The following ATP9B variants were observed in gnomAD, a reference collection of about 807,000 sequenced individuals.
ATP9B encodes ATPase phospholipid transporting 9B, also known as probable phospholipid-transporting ATPase IIB.
ATP9B carries 110 observed loss-of-function variants against 146.1 expected under a neutral mutation model. That is an observed-to-expected ratio of 0.75 (90% CI 0.65 to 0.88). The LOEUF (loss-of-function observed/expected upper bound fraction) is 0.88, where lower values mean the gene tolerates loss of function less well. Among genes scored for constraint, ATP9B ranks in the 40% least tolerant of loss-of-function variants. The pLI, the probability that ATP9B is intolerant of heterozygous loss-of-function variation, is 0.00. For synonymous variants in ATP9B, 604 were observed against 569.7 expected, an observed-to-expected ratio of 1.06 and a Z score of -0.86; for missense variants, 1,499 against 1,496.4, an observed-to-expected ratio of 1.00 and a Z score of -0.03.
intron 10 of ATP9B, among the ~76,000 whole-genome samples, chr18:79,212,127 C>T (rs1328815674): frequency 6.6e-6 from 1 of 152,028 alleles, no homozygotes; most frequent in East Asian, 1.9e-4. Context: ...AAGTACATAC[C>T]CTTTGTGAAA....
intron 9 of ATP9B, among the ~76,000 whole-genome samples, chr18:79,195,824 G>A (rs2095412971): frequency 6.6e-6 from 1 of 152,130 alleles, no homozygotes; most frequent in African/African-American, 2.4e-5. Context: ...TAATCAAAGA[G>A]GTGAAAAGGA....
chr18:79,324,004 T>G lies in ATP9B; in HGVS notation c.1774-5137T>G, dbSNP rs1448674057. Among the ~76,000 whole-genome samples, 13 of 152,306 alleles carry G rather than the reference T, an allele frequency of 8.5e-5. No individual in the cohort carries two copies. The East Asian group carries it at 1.7e-3, about 20-fold the overall frequency. ...AGAAGCCGTTTTAACTGGGGTGAGG[T>G]GATACCTCATTGTAATTTTTATTTG... On this transcript the variant is annotated intron_variant, in intron 15 of 29. Coordinates refer to ENST00000426216, the MANE Select transcript of ATP9B (RefSeq NM_198531.5).
At chr18:79,254,625 T>C (rs9960470) in intron 12 of ATP9B, 55,221 of 152,134 alleles carry the variant, frequency 0.36, 11,023 homozygotes, top group African/African-American at 0.54. Context: ...CTGACATAGA[T>C]TTTCTGCACT....
rs1270931718 is a variant in ATP9B, at chr18:79,307,193, A to G, written c.1732A>G (p.Ser578Gly). 11 of 1,614,278 alleles carry G rather than the reference A, an allele frequency of 6.8e-6. No homozygotes were observed. Among genetic ancestry groups the G allele is most frequent in the Non-Finnish European group, 8.5e-6 (10 of 1,180,052 alleles). The change falls in exon 15 of 30, where the codon AGT becomes GGT. Residue 578 changes from serine (S) to glycine (G), a missense_variant. Ser to Gly is a moderately conservative substitution (Grantham distance 56). Coordinates refer to ENST00000426216, the MANE Select transcript of ATP9B (RefSeq NM_198531.5). ...TEFAEADQDF[S>G]DENRTYQASS... ...GTTCGCAGAGGCTGACCAAGACTTCAGTGATGAGAATCGCACCTACCAGGC... is the reference window on the plus strand; with the variant it reads ...GTTCGCAGAGGCTGACCAAGACTTCGGTGATGAGAATCGCACCTACCAGGC...
chr18:79,244,619 A>G (rs376536316), intron 11 of ATP9B, among the ~76,000 whole-genome samples: 17 of 152,308 alleles, frequency 1.1e-4, no homozygotes, highest in African/African-American at 3.8e-4. Context: ...GTTCAGCAAC[A>G]TATTTTGTAA....
chr18:79,121,772 A>G (rs1419436363), intron 4 of ATP9B, among the ~76,000 whole-genome samples: 2 of 152,208 alleles, frequency 1.3e-5, no homozygotes, highest in Admixed American at 1.3e-4. Flanking sequence ...AACAGCTTGG[A>G]CAGTCTAATA....
At position 79,077,782 on chromosome 18, in the gene ATP9B, C is replaced by T. The variant is rs145321043; in HGVS notation, c.119+8253C>T. On this transcript the variant is annotated intron_variant, in intron 1 of 29. Transcript: ENST00000426216. ...CATAAGAGAGTCCTCTCTACTTTAC[C>T]CTGTAAGGAAAGTAACTTTGAAATG... Among the ~76,000 whole-genome samples the T allele has an allele frequency of 9.8e-5, 15 of 152,304 alleles. No homozygotes were observed. In the East Asian group the frequency reaches 2.7e-3, roughly 27 times the overall value.
intron 12 of ATP9B, among the ~76,000 whole-genome samples, chr18:79,259,294 T>A (rs973784446): frequency 6.6e-6 from 1 of 152,196 alleles, no homozygotes; most frequent in East Asian, 1.9e-4. Context: ...CATTTAAAGT[T>A]CTCTGAGGTC....
chr18:79,200,788 T>TGGAGGTGG (rs1555749735), intron 9 of ATP9B, among the ~76,000 whole-genome samples: 3 of 35,458 alleles, frequency 8.5e-5, no homozygotes, highest in African/African-American at 2.4e-4. Flanking sequence ...GAAGTAGTGG[T>TGGAGGTGG]GGAATTGTTT....
chr18:79,317,885 G>A (rs887725229), intron 15 of ATP9B, among the ~76,000 whole-genome samples: 2 of 152,218 alleles, frequency 1.3e-5, no homozygotes, highest in African/African-American at 4.8e-5. Context: ...GGTACTGCCA[G>A]GAAGTAAGGA....
chr18:79,121,251 A>C (rs1434751490), intron 4 of ATP9B, among the ~76,000 whole-genome samples: 1 of 152,240 alleles, frequency 6.6e-6, no homozygotes, highest in Non-Finnish European at 1.5e-5. Flanking sequence ...CTGGAGAAAT[A>C]GGAGAAAGGC....
chr18:79,188,143 G>A (rs1227457613), intron 8 of ATP9B, among the ~76,000 whole-genome samples: 2 of 152,128 alleles, frequency 1.3e-5, no homozygotes, highest in African/African-American at 4.8e-5. Context: ...GAGGAAGTAG[G>A]TGTTCCAGGA....
At chr18:79,092,288 A>G (rs1026355322) in intron 1 of ATP9B, among the ~76,000 whole-genome samples, 1 of 152,190 alleles carries the variant, frequency 6.6e-6, no homozygotes, top group African/African-American at 2.4e-5. Flanking sequence ...CCTATATGGT[A>G]TAGCCTATTG....
chr18:79,137,238 T>A (rs915868744), intron 5 of ATP9B, among the ~76,000 whole-genome samples: 1 of 152,242 alleles, frequency 6.6e-6, no homozygotes, highest in African/African-American at 2.4e-5. Context: ...GTCTGCTAAT[T>A]ATAACATTTG....
intron 12 of ATP9B, among the ~76,000 whole-genome samples, chr18:79,264,787 G>T (rs964569020): frequency 6.6e-6 from 1 of 151,958 alleles, no homozygotes; most frequent in Non-Finnish European, 1.5e-5. Flanking sequence ...CTAGTGCCCC[G>T]TCTGCCATGT....
chr18:79,270,299 GCT>G (rs150843716), intron 12 of ATP9B, among the ~76,000 whole-genome samples: 3,392 of 150,672 alleles, frequency 0.023, 131 homozygotes, highest in African/African-American at 0.077. Context: ...CTATGTGGCA[GCT>G]CTGTGTGTGT....
intron 4 of ATP9B, among the ~76,000 whole-genome samples, chr18:79,114,681 A>G (rs1485766835): frequency 6.6e-6 from 1 of 152,218 alleles, no homozygotes; most frequent in Admixed American, 6.5e-5. Flanking sequence ...AAATGAATAC[A>G]TTTTTAACTT....
chr18:79,332,506 A>G (rs1411997093), intron 17 of ATP9B, among the ~76,000 whole-genome samples: 1 of 152,220 alleles, frequency 6.6e-6, no homozygotes, highest in Admixed American at 6.5e-5. Context: ...GCCATCGTGA[A>G]GACCTTCTGA....
chr18:79,364,091 C>G (rs2097010279), intron 26 of ATP9B: 1 of 152,132 alleles, frequency 6.6e-6, no homozygotes, highest in African/African-American at 2.4e-5. Flanking sequence ...CACGGTGAAA[C>G]ACCGTCTCTA....
Sources: allele counts gnomAD v4.1 joint callset (sites outside exome capture counted in the v4.1 genomes callset), GRCh38; gene constraint gnomAD v4.1.1; transcripts MANE v1.5; gene names NCBI Gene and HGNC (gene_info 2026-07-23, HGNC 2026-07-21).